ORC5: variants seen among roughly 807,000 people sequenced by gnomAD.
ORC5 encodes origin recognition complex subunit 5.
Under a neutral mutation model 58.8 loss-of-function variants are expected in ORC5, and 39 were observed. The observed-to-expected ratio is 0.66, with a 90% confidence interval of 0.51 to 0.87. The LOEUF (loss-of-function observed/expected upper bound fraction) is 0.87, where lower values mean the gene tolerates loss of function less well. Ranked by LOEUF, ORC5 falls within the 40% of genes least tolerant of loss-of-function variation. The pLI is 0.00. For synonymous variants in ORC5, 218 were observed against 177.6 expected (o/e 1.23, Z -1.81); for missense variants, 493 against 506.3 (o/e 0.97, Z 0.25).
At chr7:104,127,120 A>T (rs1313483567) in intron 13 of ORC5, among the ~76,000 whole-genome samples, 1 of 152,172 alleles carries the variant, frequency 6.6e-6, no homozygotes, top group Non-Finnish European at 1.5e-5. Context: ...CCTTTCTAAA[A>T]AAAAGTAAAC....
intron 13 of ORC5, among the ~76,000 whole-genome samples, chr7:104,135,057 C>CA (rs1562802228): frequency 6.6e-6 from 1 of 152,148 alleles, no homozygotes; most frequent in Admixed American, 6.5e-5. Flanking sequence ...TAACATCCAT[C>CA]ACTGTGATGC....
At chr7:104,159,816 G>T (rs1192527537) in intron 12 of ORC5, among the ~76,000 whole-genome samples, 2 of 152,208 alleles carry the variant, frequency 1.3e-5, no homozygotes, top group East Asian at 3.9e-4. Flanking sequence ...ATAAAGACCT[G>T]ATAATTCAAA....
At chr7:104,189,701 C>T (rs1799630815) in intron 5 of ORC5, among the ~76,000 whole-genome samples, 1 of 152,156 alleles carries the variant, frequency 6.6e-6, no homozygotes, top group Admixed American at 6.5e-5. Context: ...CCCACAGGGA[C>T]AGAAGCTCCT....
chr7:104,157,359 G>C (rs1220933577), intron 12 of ORC5, among the ~76,000 whole-genome samples: 1 of 151,916 alleles, frequency 6.6e-6, no homozygotes, highest in Non-Finnish European at 1.5e-5. Flanking sequence ...CTAAGATTGT[G>C]TTCCTAAATG....
chr7:104,167,059 A>C (rs1799119546), intron 9 of ORC5, among the ~76,000 whole-genome samples, 175 bp from the exon 10 acceptor site: 3 of 151,512 alleles, frequency 2.0e-5, no homozygotes, highest in Admixed American at 2.0e-4. Context: ...CACTATTATT[A>C]ATGACAGGCT....
chr7:104,201,559 G>A (rs1419587815), intron 2 of ORC5, among the ~76,000 whole-genome samples: 4 of 150,996 alleles, frequency 2.6e-5, no homozygotes, highest in Non-Finnish European at 4.4e-5. Context: ...GATCATGTCT[G>A]TAATCCCAAG....
chr7:104,173,719 T>TACTATAAACCG (rs1404847652), intron 8 of ORC5, among the ~76,000 whole-genome samples: 8 of 152,248 alleles, frequency 5.3e-5, no homozygotes, highest in Admixed American at 1.3e-4. Flanking sequence ...CCTTCTGGTT[T>TACTATAAACCG]GAATACTCCG....
chr7:104,140,024 C>T (rs1418841766), intron 12 of ORC5, among the ~76,000 whole-genome samples: 1 of 151,806 alleles, frequency 6.6e-6, no homozygotes, highest in Non-Finnish European at 1.5e-5. Context: ...TTATAATAAC[C>T]CTTTTATTCT....
At chr7:104,137,714 C>T (rs1798612635) in intron 12 of ORC5, among the ~76,000 whole-genome samples, 2 of 152,070 alleles carry the variant, frequency 1.3e-5, no homozygotes, top group African/African-American at 4.8e-5. Flanking sequence ...TGGGACAACA[C>T]AGAGTTTGGC....
Position 104,195,254 on chromosome 7 carries a change from C to A in ORC5, c.442G>T (p.Ala148Ser), listed in dbSNP as rs778588824. ...LPGFLRLQELADRNVTVLFLS... is the reference protein window; with the variant it reads ...LPGFLRLQELSDRNVTVLFLS... ...AAGAGAACAGTCACATTTCTGTCAGCCTGTAAAAAGAAAGAAATAAAAGTA... is the reference window on the plus strand; with the variant it reads ...AAGAGAACAGTCACATTTCTGTCAGACTGTAAAAAGAAAGAAATAAAAGTA... The change falls in exon 5 of 14, where the codon GCT becomes TCT. Residue 148 changes from alanine (A) to serine (S), a missense_variant and splice_region_variant. Around this residue, in one of 3 missense-constraint regions of ORC5, gnomAD observed 412 missense variants for 403.7 expected, o/e 1.02. Coordinates refer to ENST00000297431, the MANE Select transcript of ORC5 (RefSeq NM_002553.4). The A allele has an allele frequency of 2.0e-6, 3 of 1,504,082 alleles. No homozygotes were observed. The highest frequency in any genetic ancestry group is 1.4e-5 in the African/African-American group (1 of 69,362). 93.2% of individuals were successfully genotyped at this position (1,504,082 alleles called of 1,614,324 possible).
At chr7:104,143,399 C>G (rs1334526010) in intron 12 of ORC5, among the ~76,000 whole-genome samples, 2 of 152,080 alleles carry the variant, frequency 1.3e-5, no homozygotes, top group Non-Finnish European at 2.9e-5. Flanking sequence ...CAGTTTTTTA[C>G]TTTTAGCACA....
At chr7:104,193,173 T>C (rs927237598) in intron 5 of ORC5, among the ~76,000 whole-genome samples, 3 of 152,162 alleles carry the variant, frequency 2.0e-5, no homozygotes, top group Admixed American at 6.6e-5. Context: ...ATTTTCTTTT[T>C]TGTCCTGTTA....
At chr7:104,180,529 T>G (rs1013608493) in intron 8 of ORC5, among the ~76,000 whole-genome samples, 3 of 152,140 alleles carry the variant, frequency 2.0e-5, no homozygotes, top group African/African-American at 7.2e-5. Flanking sequence ...GTTTTAAACC[T>G]TTTCACATCT....
rs548207793 is a variant in ORC5 at position 104,187,937 on chromosome 7, T to C, written c.684+314A>G. On this transcript the variant is annotated intron_variant, in intron 6 of 13. Transcript: ENST00000297431. ...TTTTACATCTCTTTTCTGTTATTCCTCATTTTGATTTTTATGGAGTTCTGC... is the reference window on the plus strand; with the variant it reads ...TTTTACATCTCTTTTCTGTTATTCCCCATTTTGATTTTTATGGAGTTCTGC... 1.2e-5 allele frequency: 12 copies of C among 1,006,552 alleles called. No individual in the cohort carries two copies. In the South Asian group the frequency reaches 5.5e-4, roughly 46 times the overall value. 62.4% of individuals were successfully genotyped at this position (1,006,552 alleles called of 1,614,324 possible).
At chr7:104,165,002 A>G (rs113601539) in intron 11 of ORC5, among the ~76,000 whole-genome samples, 3,470 of 152,282 alleles carry the variant, frequency 0.023, 67 homozygotes, top group Admixed American at 0.035. Flanking sequence ...TTCTTCATCT[A>G]CTAAGTCACT....
intron 8 of ORC5, among the ~76,000 whole-genome samples, chr7:104,175,440 G>A (rs992864051): frequency 7.9e-5 from 12 of 152,132 alleles, no homozygotes; most frequent in African/African-American, 2.7e-4. Flanking sequence ...GGGGGAAAAA[G>A]TTTTAGAGTG....
chr7:104,137,724 C>T (rs1037448311), intron 12 of ORC5, among the ~76,000 whole-genome samples: 2 of 152,060 alleles, frequency 1.3e-5, no homozygotes, highest in Non-Finnish European at 2.9e-5. Context: ...CAGAGTTTGG[C>T]CAAGAGCGGC....
intron 8 of ORC5, 73 bp from the exon 9 acceptor site, chr7:104,168,598 C>A: frequency 1.2e-6 from 1 of 809,996 alleles, no homozygotes; most frequent in Non-Finnish European, 1.8e-6. Context: ...AAACAGAGCC[C>A]TAGAAAAACT....
chr7:104,170,473 T>A (rs1228479166), intron 8 of ORC5, among the ~76,000 whole-genome samples: 1 of 152,190 alleles, frequency 6.6e-6, no homozygotes, highest in Non-Finnish European at 1.5e-5. Flanking sequence ...AATGCTACAC[T>A]GCTAGCTTAG....
Sources: gnomAD v4.1 joint callset for allele counts (sites outside exome capture counted in the v4.1 genomes callset) on GRCh38, gnomAD v4.1.1 for gene constraint, gnomAD v4.1.1 regional missense constraint, MANE v1.5 for transcripts, NCBI Gene and HGNC (gene_info 2026-07-23, HGNC 2026-07-21) for gene names.